Variants in HIVEP1 observed in about 807,000 individuals in gnomAD.
The protein encoded by HIVEP1 is HIVEP zinc finger 1, also known as zinc finger protein 40.
A neutral mutation model predicts 180.0 loss-of-function variants in HIVEP1; 36 were observed. The ratio of observed to expected loss-of-function variants is 0.20; its 90% CI spans 0.15 to 0.26. HIVEP1 has a LOEUF of 0.26. HIVEP1 is among the 10% of genes least tolerant of loss of function. The pLI, the probability that HIVEP1 is intolerant of heterozygous loss-of-function variation, is 1.00. For synonymous variants in HIVEP1, 1,239 were observed against 1,239.0 expected (o/e 1.00, Z 0.00); for missense variants, 3,143 against 3,268.7 (o/e 0.96, Z 0.94).
intron 6 of HIVEP1, among the ~76,000 whole-genome samples, chr6:12,135,212 A>G (rs1004894120): frequency 6.6e-6 from 1 of 152,210 alleles, no homozygotes; most frequent in Admixed American, 6.5e-5. Context: ...TATCTATACC[A>G]TGCAAAAACA....
intron 7 of HIVEP1, among the ~76,000 whole-genome samples, chr6:12,161,168 C>T (rs879780348): frequency 6.6e-6 from 1 of 152,148 alleles, no homozygotes; most frequent in Non-Finnish European, 1.5e-5. Context: ...CTTGATTACC[C>T]TCCACCTGCC....
chr6:12,055,203 A>G (rs1283651613), intron 2 of HIVEP1, among the ~76,000 whole-genome samples: 7 of 152,240 alleles, frequency 4.6e-5, no homozygotes, highest in South Asian at 2.1e-4. Flanking sequence ...CATGATTTTC[A>G]GTGGCTCACG....
chr6:12,118,567 T>C (rs930745824), intron 3 of HIVEP1, among the ~76,000 whole-genome samples: 1 of 152,218 alleles, frequency 6.6e-6, no homozygotes, highest in Non-Finnish European at 1.5e-5. Context: ...TGATTTCATT[T>C]CTCTTGCAAT....
At chr6:12,104,414 CCTTT>C (rs781139528) in intron 3 of HIVEP1, among the ~76,000 whole-genome samples, 29 of 117,772 alleles carry the variant, frequency 2.5e-4, no homozygotes, top group East Asian at 1.6e-3. Context: ...CTCTCTCTCT[CCTTT>C]TCTTTCCTTT....
Position 12,124,250 on chromosome 6 carries a change from G to A in HIVEP1, c.4455G>A (p.Gln1485=). ...AEFSANTLHS[Q]TQVKDLQAET... ...TTTCTGCAAATACTTTGCACTCTCAGACTCAGGTTAAGGATCTGCAGGCAG... is the reference window on the plus strand; with the variant it reads ...TTTCTGCAAATACTTTGCACTCTCAAACTCAGGTTAAGGATCTGCAGGCAG... Residue 1485 remains glutamine, a synonymous_variant, in exon 4 of 9, where the codon CAG becomes CAA. Transcript: ENST00000379388. 1.2e-6 allele frequency: 2 copies of A among 1,614,062 alleles called. No individual in the cohort carries two copies. Among genetic ancestry groups the A allele is most frequent in the Non-Finnish European group, 1.7e-6 (2 of 1,180,028 alleles).
chr6:12,082,788 G>A (rs1390787071), intron 2 of HIVEP1, among the ~76,000 whole-genome samples: 1 of 152,166 alleles, frequency 6.6e-6, no homozygotes, highest in East Asian at 1.9e-4. Context: ...CCTGCATGCA[G>A]GGTTGTTCAT....
At chr6:12,188,904 A>AC in the HIVEP1 span, among the ~76,000 whole-genome samples, 4 of 152,056 alleles carry the variant, frequency 2.6e-5, no homozygotes. Flanking sequence ...ATTCTGAAGA[A>AC]AGATTAATAA....
intron 2 of HIVEP1, among the ~76,000 whole-genome samples, chr6:12,048,264 C>A (rs1770269794): frequency 6.6e-6 from 1 of 152,230 alleles, no homozygotes; most frequent in Non-Finnish European, 1.5e-5. Context: ...CCGTCCGCGG[C>A]AGCAGGGTAT....
intron 2 of HIVEP1, among the ~76,000 whole-genome samples, chr6:12,087,495 G>T (rs1487146998): frequency 6.6e-6 from 1 of 152,036 alleles, no homozygotes; most frequent in Non-Finnish European, 1.5e-5. Flanking sequence ...TACTGGCATA[G>T]AAATAATAGT....
Position 12,063,811 on chromosome 6 carries a change from T to C in HIVEP1, c.41-25373T>C, listed in dbSNP as rs114431792. 9.1e-3 allele frequency among the ~76,000 whole-genome samples: 1,389 copies of C among 152,298 alleles called. 16 individuals carry two copies. The highest frequency in any genetic ancestry group is 0.032 in the African/African-American group (1,317 of 41,552). ...AACCTCTTGTGTACCAGCTTCACCA[T>C]GCATGAGATTCACATATGTTTCTTA... On this transcript the variant is annotated intron_variant, in intron 2 of 8. Transcript: ENST00000379388. This position sits in a 1 kb window ranked among gnomAD's most constrained non-coding sequence, Gnocchi z 4.2.
intron 1 of HIVEP1, among the ~76,000 whole-genome samples, chr6:12,013,785 C>T (rs1487876537): frequency 6.6e-6 from 1 of 151,742 alleles, no homozygotes; most frequent in Non-Finnish European, 1.5e-5. Context: ...TTTTATAGAT[C>T]ACTTAGCACA....
Position 12,164,410 on chromosome 6 carries a change from C to A in HIVEP1, c.8106C>A (p.Phe2702Leu). 8 of 1,614,010 alleles carry A rather than the reference C, an allele frequency of 5.0e-6. No individual in the cohort carries two copies. The highest frequency in any genetic ancestry group is 6.8e-6 in the Non-Finnish European group (8 of 1,180,000). The change falls in exon 9 of 9, where the codon TTC (phenylalanine) becomes TTA (leucine). Residue 2702 changes from phenylalanine to leucine, a missense_variant. Physicochemically the swap from Phe to Leu is conservative, Grantham distance 22. This residue lies in a region of HIVEP1 where 595 missense variants were observed against 602.2 expected (regional missense o/e 0.99). Coordinates refer to ENST00000379388, the MANE Select transcript of HIVEP1 (RefSeq NM_002114.4). ...CGCGGAGGCAGCCCACTGTGCACTT[C>A]AGCGACGTGAGCAGCGATGATGACG... Reference protein sequence around the residue: ...ALPRRQPTVHFSDVSSDDDED... With the variant: ...ALPRRQPTVHLSDVSSDDDED...
At chr6:12,188,877 C>G in the HIVEP1 span, among the ~76,000 whole-genome samples, 1 of 151,600 alleles carries the variant, frequency 6.6e-6, no homozygotes, top group Non-Finnish European at 1.5e-5. Context: ...AATAAATAAG[C>G]AAGAAAAAAC....
chr6:12,196,786 C>T, the HIVEP1 span, among the ~76,000 whole-genome samples: 2 of 152,164 alleles, frequency 1.3e-5, no homozygotes, highest in Non-Finnish European at 2.9e-5. Context: ...TTGCCTCACT[C>T]GATCTCAAGC....
intron 2 of HIVEP1, among the ~76,000 whole-genome samples, chr6:12,052,643 T>C (rs573144235): frequency 6.6e-6 from 1 of 152,318 alleles, no homozygotes; most frequent in South Asian, 2.1e-4. Context: ...AGGCTGAGAC[T>C]TGGAGAGTTG....
chr6:12,211,549 T>C, the HIVEP1 span, among the ~76,000 whole-genome samples: 1 of 151,634 alleles, frequency 6.6e-6, no homozygotes, highest in Non-Finnish European at 1.5e-5. Flanking sequence ...CATATATTTA[T>C]ATAAACACAT....
Position 12,123,785 on chromosome 6 carries a change from G to A in HIVEP1, c.3990G>A (p.Thr1330=), listed in dbSNP as rs763551721. 15 of 1,613,978 alleles carry A rather than the reference G, an allele frequency of 9.3e-6. No homozygotes were observed. Among genetic ancestry groups the A allele is most frequent in the African/African-American group, 6.7e-5 (5 of 74,890 alleles). The change falls in exon 4 of 9, where the codon ACG becomes ACA. Residue 1330 remains threonine, a synonymous_variant. Transcript: ENST00000379388. ...TAGACATAGAGGACGTTTCTAAAAC[G>A]GAGGCTTCCCCCAAAATCGATTTTC... ...ASLDIEDVSK[T]EASPKIDFLN...
intron 2 of HIVEP1, among the ~76,000 whole-genome samples, chr6:12,074,351 T>G (rs1318204269): frequency 1.3e-5 from 2 of 152,194 alleles, no homozygotes; most frequent in Non-Finnish European, 2.9e-5. Context: ...ATATACCTAC[T>G]TTTTAAACTT....
intron 1 of HIVEP1, among the ~76,000 whole-genome samples, chr6:12,013,795 A>C (rs887760625): frequency 1.1e-4 from 16 of 149,188 alleles, no homozygotes; most frequent in Admixed American, 1.1e-3. Flanking sequence ...CACTTAGCAC[A>C]ATGCTAGATG....
Sources: allele counts gnomAD v4.1 joint callset (sites outside exome capture counted in the v4.1 genomes callset), GRCh38; gene constraint gnomAD v4.1.1; regional missense constraint gnomAD v4.1.1; non-coding constraint Gnocchi (gnomAD v3.1); transcripts MANE v1.5; gene names NCBI Gene and HGNC (gene_info 2026-07-23, HGNC 2026-07-21).